Variants in UBL7 observed in about 807,000 individuals in gnomAD.
UBL7 encodes ubiquitin like 7.
A neutral mutation model predicts 41.7 loss-of-function variants in UBL7; 21 were observed. The observed-to-expected ratio is 0.50, with a 90% CI of 0.36 to 0.73. The LOEUF (loss-of-function observed/expected upper bound fraction) is 0.73, where lower values mean the gene tolerates loss of function less well. UBL7 is among the 30% of genes least tolerant of loss of function. The pLI is 0.00. For synonymous variants in UBL7, 157 were observed against 186.9 expected (o/e 0.84, Z 1.31); for missense variants, 403 against 478.4 (o/e 0.84, Z 1.47).
rs2061187798 is a variant in UBL7 at position 74,446,765 on chromosome 15, T to A, written c.1006-538A>T. ...CTTTTACAAACCCAAAATGCATAAC[T>A]TTTATTTAATGGCTCCTGGATACTG... On this transcript the variant is annotated intron_variant, in intron 10 of 10. Transcript: ENST00000395081. The surrounding 1 kb of genome is among the most constrained non-coding windows in gnomAD (Gnocchi z 4.1). Among the ~76,000 whole-genome samples, 1 of 152,234 alleles carries A rather than the reference T, an allele frequency of 6.6e-6. No homozygotes were observed. The highest frequency in any genetic ancestry group is 2.1e-4 in the South Asian group (1 of 4,834).
Position 74,448,473 on chromosome 15 carries a change from C to T in UBL7, c.1005+5G>A. 6.2e-7 allele frequency: 1 copy of T among 1,613,684 alleles called. No individual in the cohort carries two copies. On this transcript the variant is annotated splice_donor_5th_base_variant and intron_variant, in intron 10 of 10. Transcript: ENST00000395081. The stretch of plus-strand genomic sequence containing the variant: ...CATGGAAACCAAGACGTGGGGAAGA[C>T]TGACCTGAAGGCTGGGCTGCCCAGA...
At chr15:74,455,456 G>A (rs992645554) in intron 3 of UBL7, among the ~76,000 whole-genome samples, 1 of 152,174 alleles carries the variant, frequency 6.6e-6, no homozygotes, top group Non-Finnish European at 1.5e-5. Context: ...TACCAGTATA[G>A]CAAGAGCAGT....
At chr15:74,458,201 C>A (rs1442830953) in intron 2 of UBL7, among the ~76,000 whole-genome samples, 1 of 152,220 alleles carries the variant, frequency 6.6e-6, no homozygotes, top group South Asian at 2.1e-4. Context: ...GAGGCTGAGG[C>A]GGGCAGAATC....
Position 74,446,194 on chromosome 15 carries a change from C to T in UBL7, c.1039G>A (p.Asp347Asn). Reference sequence around the variant, plus strand: ...AGCTCATCGTCCTGGATGCCCATGTCACGTAGCTGCTGCAGCTGGGGCTGC... The same window carrying T: ...AGCTCATCGTCCTGGATGCCCATGTTACGTAGCTGCTGCAGCTGGGGCTGC... Reference protein sequence around the residue: ...QWQPQLQQLRDMGIQDDELSL... With the variant: ...QWQPQLQQLRNMGIQDDELSL... The change falls in exon 11 of 11, where the codon GAC becomes AAC. Residue 347 changes from aspartate (D) to asparagine (N), a missense_variant. Transcript: ENST00000395081. This position sits in a 1 kb window ranked among gnomAD's most constrained non-coding sequence, Gnocchi z 4.1. The T allele has an allele frequency of 6.2e-7, 1 of 1,613,906 alleles. No individual in the cohort carries two copies. Among genetic ancestry groups the T allele is most frequent in the Non-Finnish European group, 8.5e-7 (1 of 1,179,932 alleles).
chr15:74,446,071 T>G lies in UBL7; in HGVS notation c.*19A>C. On this transcript the variant is annotated 3_prime_UTR_variant, in exon 11 of 11. Transcript: ENST00000395081. This position sits in a 1 kb window ranked among gnomAD's most constrained non-coding sequence, Gnocchi z 4.1. ...AGTAGCCTCTGCAACTTGCTGGGGG[T>G]TCAGGGGAAGCAGGGAGTTCATGGG... 6.2e-7 allele frequency: 1 copy of G among 1,612,084 alleles called. No individual in the cohort carries two copies. The highest frequency in any genetic ancestry group is 8.5e-7 in the Non-Finnish European group (1 of 1,178,994).
intron 2 of UBL7, among the ~76,000 whole-genome samples, chr15:74,457,568 T>C (rs1231783504): frequency 7.4e-5 from 10 of 134,412 alleles, no homozygotes; most frequent in South Asian, 2.5e-4. Flanking sequence ...TATATATATA[T>C]ACACACATAC....
Position 74,458,845 on chromosome 15 carries a change from A to G in UBL7, c.23T>C (p.Leu8Pro). ...TGGCTGGTCAGCCAGCTTCACCGCCAGGTGCCAGTCTGAGAGAGACATCCT... is the reference window on the plus strand; with the variant it reads ...TGGCTGGTCAGCCAGCTTCACCGCCGGGTGCCAGTCTGAGAGAGACATCCT... MSLSDWH[L>P]AVKLADQPLT... The change falls in exon 2 of 11, where the codon CTG becomes CCG. Residue 8 changes from leucine (L) to proline (P), a missense_variant. Leu to Pro is a moderately conservative substitution (Grantham distance 98, BLOSUM62 -3). Transcript: ENST00000395081. 3 of 1,612,238 alleles carry G rather than the reference A, an allele frequency of 1.9e-6. No individual in the cohort carries two copies. The highest frequency in any genetic ancestry group is 1.1e-5 in the South Asian group (1 of 91,090).
At chr15:74,450,980 T>G in intron 5 of UBL7, 121 bp from the exon 6 acceptor site, 1 of 1,032,420 alleles carries the variant, frequency 9.7e-7, no homozygotes. Context: ...CCAATCTTCA[T>G]GAGAAGTAGA....
chr15:74,448,647 C>A (rs1283339487), intron 9 of UBL7, 47 bp from the exon 10 acceptor site: 1 of 1,607,668 alleles, frequency 6.2e-7, no homozygotes, highest in Non-Finnish European at 8.5e-7. Context: ...CCATCTCAAT[C>A]TTATAGCAGA....
intron 9 of UBL7, 46 bp downstream of exon 9, chr15:74,449,140 G>A (rs775130228): frequency 6.6e-7 from 1 of 1,511,482 alleles, no homozygotes; most frequent in Non-Finnish European, 8.8e-7. Flanking sequence ...TGGGGAGCTT[G>A]TTCCTTGGGG....
At chr15:74,453,713 C>T (rs2061270941) in intron 3 of UBL7, among the ~76,000 whole-genome samples, 1 of 152,156 alleles carries the variant, frequency 6.6e-6, no homozygotes, top group South Asian at 2.1e-4. Context: ...GGAGGACTAC[C>T]AAAGAGATCC....
chr15:74,457,524 C>T (rs1042205554), intron 2 of UBL7, among the ~76,000 whole-genome samples: 1 of 151,550 alleles, frequency 6.6e-6, no homozygotes, highest in Non-Finnish European at 1.5e-5. Context: ...GCCTGGGCAA[C>T]AGAGCAAGAC....
intron 5 of UBL7, 44 bp downstream of exon 5, chr15:74,451,392 T>C: frequency 2.6e-6 from 4 of 1,541,708 alleles, no homozygotes; most frequent in Non-Finnish European, 3.6e-6. Flanking sequence ...TGTTTTCTCC[T>C]TTTCCGACAA....
chr15:74,450,277 C>T (rs1363134480), intron 6 of UBL7, among the ~76,000 whole-genome samples: 1 of 152,132 alleles, frequency 6.6e-6, no homozygotes, highest in African/African-American at 2.4e-5. Flanking sequence ...TCCTGGGGTC[C>T]GCTGCAGATT....
In UBL7 at chr15:74,461,091, G is replaced by T; in HGVS notation, c.-84C>A. The T allele has an allele frequency of 2.0e-6, 2 of 1,005,822 alleles. No homozygotes were observed. Among genetic ancestry groups the T allele is most frequent in the Non-Finnish European group, 2.4e-6 (2 of 840,640 alleles). The allele number at this position is 1,005,822 out of a possible 1,614,324, so 62.3% of individuals were successfully genotyped here. The stretch of plus-strand genomic sequence containing the variant: ...CACACATCGAGCCCGCGCTGCCCAG[G>T]GCCCCAGCGCCCTCACCCGTCCCGC... On this transcript the variant is annotated 5_prime_UTR_variant, in exon 1 of 11. Transcript: ENST00000395081.
At chr15:74,459,740 C>T (rs1180247400) in intron 1 of UBL7, among the ~76,000 whole-genome samples, 3 of 151,596 alleles carry the variant, frequency 2.0e-5, no homozygotes, top group Non-Finnish European at 4.4e-5. Flanking sequence ...CCTAGGCGGG[C>T]GGATTGCCTA....
chr15:74,450,229 C>G (rs983887799), intron 6 of UBL7, among the ~76,000 whole-genome samples, 160 bp from the exon 7 acceptor site: 5 of 152,210 alleles, frequency 3.3e-5, no homozygotes, highest in African/African-American at 1.2e-4. Context: ...TATCCTCCTG[C>G]TGATCTGCCC....
Position 74,446,256 on chromosome 15 carries a change from T to C in UBL7, c.1006-29A>G. Reference sequence around the variant, plus strand: ...TGGAAAGATAGGAATGGGCAGAAGCTGTTAGCTGGGATCCAGTGAAGACTC... The same window carrying C: ...TGGAAAGATAGGAATGGGCAGAAGCCGTTAGCTGGGATCCAGTGAAGACTC... On this transcript the variant is annotated intron_variant, in intron 10 of 10. Coordinates refer to ENST00000395081, the MANE Select transcript of UBL7 (RefSeq NM_032907.5). This position sits in a 1 kb window ranked among gnomAD's most constrained non-coding sequence, Gnocchi z 4.1. 2 of 1,612,838 alleles carry C rather than the reference T, an allele frequency of 1.2e-6. No homozygotes were observed. Among genetic ancestry groups the C allele is most frequent in the Non-Finnish European group, 1.7e-6 (2 of 1,179,378 alleles).
At chr15:74,451,563 A>G (rs752306447) in intron 4 of UBL7, 43 bp from the exon 5 acceptor site, 68 of 1,531,550 alleles carry the variant, frequency 4.4e-5, no homozygotes, top group Non-Finnish European at 5.3e-5. Flanking sequence ...AACCAGCTCA[A>G]TGTACTCATC....
Sources: gnomAD v4.1 joint callset for allele counts (sites outside exome capture counted in the v4.1 genomes callset) on GRCh38, gnomAD v4.1.1 for gene constraint, Gnocchi (gnomAD v3.1) non-coding constraint, MANE v1.5 for transcripts, NCBI Gene and HGNC (gene_info 2026-07-23, HGNC 2026-07-21) for gene names.